Variants in EFCAB6 observed in about 807,000 individuals in gnomAD.
EFCAB6 encodes the protein EF-hand calcium-binding domain-containing protein 6.
In EFCAB6, 156 loss-of-function variants were observed where a neutral mutation model predicts 169.8. The observed-to-expected ratio is 0.92, with a 90% CI of 0.81 to 1.05. The LOEUF is 1.05. EFCAB6 is among the 50% of genes least tolerant of loss of function. EFCAB6 has a pLI of 0.00. For synonymous variants in EFCAB6, 698 were observed against 676.4 expected (o/e 1.03, Z -0.50); for missense variants, 1,800 against 1,829.1 (o/e 0.98, Z 0.29).
Position 43,784,616 on chromosome 22 carries a change from T to C in EFCAB6, c.-7-2291A>G, listed in dbSNP as rs187117219. 1.8e-4 allele frequency among the ~76,000 whole-genome samples: 17 copies of C among 95,480 alleles called. 3 individuals carry two copies. The highest frequency in any genetic ancestry group is 3.1e-4 in the Non-Finnish European group (15 of 47,852). The allele number at this position is 95,480 out of a possible 152,430, so 62.6% of individuals were successfully genotyped here. ...GTATATATACACATATATATGTGTA[T>C]ATATACACATATATATGTATATGTA... On this transcript the variant is annotated intron_variant, in intron 2 of 31. Transcript: ENST00000262726.
chr22:43,573,852 A>G (rs370067661), intron 26 of EFCAB6, among the ~76,000 whole-genome samples: 7 of 152,328 alleles, frequency 4.6e-5, no homozygotes, highest in East Asian at 3.9e-4. Context: ...CAAACAGTAT[A>G]TAATGGACAT....
At chr22:43,637,896 G>T (rs2055531531) in intron 17 of EFCAB6, among the ~76,000 whole-genome samples, 1 of 152,196 alleles carries the variant, frequency 6.6e-6, no homozygotes, top group Admixed American at 6.5e-5. Flanking sequence ...ATTATTCATG[G>T]CAAACTCTTC....
At position 43,709,024 on chromosome 22, in the gene EFCAB6, A is replaced by G. The variant is rs567869305; in HGVS notation, c.1031+2451T>C. 1.4e-3 allele frequency among the ~76,000 whole-genome samples: 206 copies of G among 152,188 alleles called. 1 individual carries two copies. The highest frequency in any genetic ancestry group is 0.01 in the Middle Eastern group (3 of 294). On this transcript the variant is annotated intron_variant, in intron 10 of 31. Transcript: ENST00000262726. ...AAAACACGCATTCTATGCACCCATC[A>G]TATTCTTCATAGATATCATCACTCT...
At chr22:43,779,248 C>T (rs1157499507) in intron 3 of EFCAB6, among the ~76,000 whole-genome samples, 3 of 152,046 alleles carry the variant, frequency 2.0e-5, no homozygotes, top group African/African-American at 4.8e-5. Flanking sequence ...AATGATTCAA[C>T]CTGAAACACA....
At chr22:43,641,382 G>A (rs2055787277) in intron 17 of EFCAB6, among the ~76,000 whole-genome samples, 1 of 152,190 alleles carries the variant, frequency 6.6e-6, no homozygotes, top group African/African-American at 2.4e-5. Flanking sequence ...TTGGGAGGCT[G>A]AGGCGGGTGG....
chr22:43,716,487 A>G (rs188260223), intron 9 of EFCAB6, among the ~76,000 whole-genome samples: 186 of 152,336 alleles, frequency 1.2e-3, no homozygotes, highest in Non-Finnish European at 2.1e-3. Flanking sequence ...ATCCTGATAT[A>G]GGAAGAATAG....
At chr22:43,705,619 G>C (rs1435097917) in intron 10 of EFCAB6, among the ~76,000 whole-genome samples, 2 of 151,982 alleles carry the variant, frequency 1.3e-5, no homozygotes, top group Non-Finnish European at 2.9e-5. Context: ...ATATGCTCTT[G>C]AACAACCAAT....
chr22:43,801,479 T>A (rs1385453948), intron 2 of EFCAB6, among the ~76,000 whole-genome samples: 6 of 152,184 alleles, frequency 3.9e-5, no homozygotes, highest in Non-Finnish European at 7.3e-5. Flanking sequence ...AACTCTAGCA[T>A]GAAGCCCAAA....
intron 21 of EFCAB6, among the ~76,000 whole-genome samples, chr22:43,614,758 C>A (rs1322059215): frequency 6.6e-6 from 1 of 152,196 alleles, no homozygotes; most frequent in African/African-American, 2.4e-5. Context: ...GAGTTCACAG[C>A]ACAGACAGTC....
At chr22:43,754,628 G>A (rs1367723811) in intron 6 of EFCAB6, among the ~76,000 whole-genome samples, 1 of 152,210 alleles carries the variant, frequency 6.6e-6, no homozygotes, top group Non-Finnish European at 1.5e-5. Flanking sequence ...GGACAGCAAT[G>A]GAGTTCCATT....
intron 5 of EFCAB6, among the ~76,000 whole-genome samples, chr22:43,762,076 T>C (rs905891156): frequency 7.9e-5 from 12 of 152,236 alleles, no homozygotes; most frequent in African/African-American, 2.9e-4. Context: ...CCGTCCAGGA[T>C]TACTCAAAAA....
chr22:43,600,598 C>G (rs924718513), intron 22 of EFCAB6, among the ~76,000 whole-genome samples: 2 of 152,154 alleles, frequency 1.3e-5, no homozygotes, highest in African/African-American at 4.8e-5. Flanking sequence ...ATTAGAAACA[C>G]AGTTGTGACT....
chr22:43,767,905 T>C (rs1254373105), intron 4 of EFCAB6, among the ~76,000 whole-genome samples: 1 of 152,246 alleles, frequency 6.6e-6, no homozygotes, highest in African/African-American at 2.4e-5. Context: ...TGCCTTTTGG[T>C]GTTTACAATT....
At chr22:43,627,265 A>T (rs1181203227) in intron 19 of EFCAB6, among the ~76,000 whole-genome samples, 3 of 152,130 alleles carry the variant, frequency 2.0e-5, no homozygotes, top group Non-Finnish European at 4.4e-5. Context: ...AGATGAGGAA[A>T]CAGAGGCTCA....
chr22:43,716,906 GATGATGCAGA>G lies in EFCAB6; in HGVS notation c.814_823del (p.Ser272LeufsTer48). On this transcript the variant is annotated frameshift_variant, in exon 9 of 32. Transcript: ENST00000262726. LOFTEE classifies it high-confidence loss of function. ...GGAGTAGTTTCTCCAGATATCTTCA[GATGATGCAGA>G]ACCTAGCAAACGTTCCTTTTTGGAA... The G allele has an allele frequency of 1.2e-6, 2 of 1,603,820 alleles. No homozygotes were observed. The highest frequency in any genetic ancestry group is 1.7e-6 in the Non-Finnish European group (2 of 1,175,578).
chr22:43,676,987 AC>A lies in EFCAB6; in HGVS notation c.1419+1008del, dbSNP rs2057788994. Among the ~76,000 whole-genome samples the A allele has an allele frequency of 1.3e-5, 2 of 152,164 alleles. 1 individual carries two copies. Among genetic ancestry groups the A allele is most frequent in the South Asian group, 4.1e-4 (2 of 4,828 alleles). On this transcript the variant is annotated intron_variant, in intron 13 of 31. Transcript: ENST00000262726. ...GGGAAATAGTGCATCTCGTGATATT[AC>A]TGGTTTGATTTTGATTCATAGGGAT...
intron 3 of EFCAB6, 108 bp downstream of exon 3, chr22:43,782,072 T>C (rs1361366609): frequency 8.9e-7 from 1 of 1,119,350 alleles, no homozygotes; most frequent in Non-Finnish European, 1.3e-6. Flanking sequence ...CATAGAGTTA[T>C]TGTGAGGATT....
Position 43,575,468 on chromosome 22 carries a change from A to G in EFCAB6, c.3420+829T>C, listed in dbSNP as rs181132459. Among the ~76,000 whole-genome samples the G allele has an allele frequency of 3.5e-3, 525 of 149,576 alleles. 2 individuals carry two copies. Among genetic ancestry groups the G allele is most frequent in the African/African-American group, 0.012 (504 of 40,548 alleles). ...GGTGATCTGCCCACCTCGGCCTCCC[A>G]AAGTGCTGGGATTACAGGCATGAAC... On this transcript the variant is annotated intron_variant, in intron 26 of 31. Coordinates refer to ENST00000262726, the MANE Select transcript of EFCAB6 (RefSeq NM_022785.4).
chr22:43,619,225 C>T (rs980144621), intron 20 of EFCAB6, among the ~76,000 whole-genome samples: 1 of 152,244 alleles, frequency 6.6e-6, no homozygotes, highest in East Asian at 1.9e-4. Flanking sequence ...ACGTGGGTTT[C>T]CCTGAAGAGC....
Sources: allele counts gnomAD v4.1 joint callset (sites outside exome capture counted in the v4.1 genomes callset), GRCh38; gene constraint gnomAD v4.1.1; transcripts MANE v1.5; gene names NCBI Gene and HGNC (gene_info 2026-07-23, HGNC 2026-07-21).